The following STRN3 variants were observed in gnomAD, a reference collection of about 807,000 sequenced individuals.
STRN3 encodes the protein striatin-3.
In STRN3, 29 loss-of-function variants were observed where a neutral mutation model predicts 95.6. The observed-to-expected ratio is 0.30, with a 90% CI of 0.23 to 0.41. The LOEUF is 0.41. Ranked by LOEUF, STRN3 falls within the 10% of genes least tolerant of loss-of-function variation. The probability of loss-of-function intolerance (pLI) is 1.00; values close to 1 mark genes in which losing one functional copy is unlikely to be tolerated. For missense variants in STRN3, 890 were observed against 972.1 expected (o/e 0.92, Z 1.12); for synonymous variants, 331 against 357.6 (o/e 0.93, Z 0.84).
At chr14:30,942,969 C>G (rs922675139) in intron 5 of STRN3, among the ~76,000 whole-genome samples, 1 of 152,130 alleles carries the variant, frequency 6.6e-6, no homozygotes, top group African/African-American at 2.4e-5. Flanking sequence ...TGGCTAGTAA[C>G]TAGTGGTTAA....
At chr14:30,931,479 T>C (rs1240313129) in intron 7 of STRN3, among the ~76,000 whole-genome samples, 1 of 152,186 alleles carries the variant, frequency 6.6e-6, no homozygotes, top group African/African-American at 2.4e-5. Context: ...CAATTCTGAT[T>C]ACCAAAGCAG....
Position 30,904,061 on chromosome 14 carries a change from C to A in STRN3, c.2029+1357G>T, listed in dbSNP as rs140368177. 2.0e-3 allele frequency among the ~76,000 whole-genome samples: 312 copies of A among 152,244 alleles called. 5 individuals carry two copies. The East Asian group carries it at 0.032, about 15-fold the overall frequency. On this transcript the variant is annotated intron_variant, in intron 15 of 17. Coordinates refer to ENST00000357479, the MANE Select transcript of STRN3 (RefSeq NM_001083893.2). ...CATTGAAAAAGCCTAACACAATGAA[C>A]AACCCAGGAGCCATGAAGACCATGA...
intron 1 of STRN3, among the ~76,000 whole-genome samples, chr14:30,983,297 C>G (rs1881499801): frequency 6.6e-6 from 1 of 152,170 alleles, no homozygotes; most frequent in South Asian, 2.1e-4. Context: ...TATCCCAGCA[C>G]TTTGGGAGGC....
intron 1 of STRN3, among the ~76,000 whole-genome samples, chr14:30,967,802 G>A (rs1880607959): frequency 6.6e-6 from 1 of 152,188 alleles, no homozygotes; most frequent in African/African-American, 2.4e-5. Context: ...ATTAACCACT[G>A]AAAATTCCCT....
chr14:31,025,867 C>T (rs1448008746), intron 1 of STRN3, 37 bp downstream of exon 1: 10 of 1,579,054 alleles, frequency 6.3e-6, no homozygotes, highest in Non-Finnish European at 6.9e-6. Flanking sequence ...GGGAACCCAG[C>T]CGCCGCAGCT....
At chr14:30,974,286 G>A (rs532298212) in intron 1 of STRN3, among the ~76,000 whole-genome samples, 1 of 152,038 alleles carries the variant, frequency 6.6e-6, no homozygotes, top group East Asian at 1.9e-4. Flanking sequence ...CACTAACAAT[G>A]AACAATCTGA....
intron 8 of STRN3, among the ~76,000 whole-genome samples, chr14:30,925,666 A>C (rs1897009681): frequency 1.3e-5 from 2 of 152,214 alleles, no homozygotes; most frequent in South Asian, 4.1e-4. Flanking sequence ...TCTATATTTC[A>C]AGATAGCTAG....
intron 4 of STRN3, among the ~76,000 whole-genome samples, chr14:30,947,542 TAC>T (rs200186384): frequency 4.6e-5 from 7 of 151,666 alleles, no homozygotes; most frequent in African/African-American, 1.2e-4. Context: ...TAGGATTATA[TAC>T]ACACACACAC....
intron 7 of STRN3, among the ~76,000 whole-genome samples, chr14:30,930,508 T>C (rs1461549731): frequency 6.6e-6 from 1 of 152,124 alleles, no homozygotes; most frequent in Admixed American, 6.5e-5. Flanking sequence ...CCTGCTACAA[T>C]TGTCATAACT....
intron 3 of STRN3, among the ~76,000 whole-genome samples, chr14:30,955,053 G>A (rs1291432710): frequency 6.6e-6 from 1 of 151,806 alleles, no homozygotes; most frequent in East Asian, 1.9e-4. Context: ...CCTGATTTTT[G>A]CTTTTTCCAA....
chr14:30,996,820 C>T (rs903903822), intron 1 of STRN3, among the ~76,000 whole-genome samples: 5 of 143,894 alleles, frequency 3.5e-5, no homozygotes, highest in African/African-American at 1.0e-4. Flanking sequence ...GAGCCGAGAT[C>T]GTGCCACTGC....
In STRN3 at chr14:30,894,319, A is replaced by C. The variant is rs1896070434; in HGVS notation, c.*1092T>G. ...CTTAGGGGGAACCACCTTGGTTTGT[A>C]ATTTAAACTATAAAATACTCCATTT... is the stretch of plus-strand genomic sequence containing the variant. On this transcript the variant is annotated 3_prime_UTR_variant, in exon 18 of 18. Coordinates refer to ENST00000357479, the MANE Select transcript of STRN3 (RefSeq NM_001083893.2). 6.6e-6 allele frequency: 1 copy of C among 152,504 alleles called. No individual in the cohort carries two copies. Among genetic ancestry groups the C allele is most frequent in the Non-Finnish European group, 1.5e-5 (1 of 68,026 alleles). The allele number at this position is 152,504 out of a possible 1,614,324, so 9.4% of individuals were successfully genotyped here. A position where few individuals can be genotyped will look rare whatever the true frequency, so the allele number is the denominator to read the frequency against.
In STRN3 at chr14:31,026,319, G is replaced by T; in HGVS notation, c.-134C>A. 1.0e-6 allele frequency: 1 copy of T among 978,910 alleles called. No individual in the cohort carries two copies. 60.6% of individuals were successfully genotyped at this position (978,910 alleles called of 1,614,324 possible). ...GGCGGGGAAGGGGTCGTTGCTGTGT[G>T]CCTGCCGTGGGTCAGAGCAGGGAGC... On this transcript the variant is annotated 5_prime_UTR_variant, in exon 1 of 18. Transcript: ENST00000357479.
chr14:30,985,632 A>C (rs7142286), intron 1 of STRN3, among the ~76,000 whole-genome samples: 15,822 of 152,182 alleles, frequency 0.1, 1,366 homozygotes, highest in East Asian at 0.21. Flanking sequence ...TTGGTAGTCT[A>C]AACAGTTTCA....
At chr14:30,984,285 A>AACC in intron 1 of STRN3, among the ~76,000 whole-genome samples, 1 of 150,018 alleles carries the variant, frequency 6.7e-6, no homozygotes, top group Non-Finnish European at 1.5e-5. Context: ...AAAAAAAAAA[A>AACC]AAAAAAACAG....
intron 1 of STRN3, among the ~76,000 whole-genome samples, chr14:30,993,428 T>C (rs1882056900): frequency 1.3e-5 from 2 of 152,134 alleles, no homozygotes; most frequent in East Asian, 3.9e-4. Flanking sequence ...ACAAATAGAT[T>C]AGGAATTTTC....
At chr14:30,970,460 C>A (rs1367464753) in intron 1 of STRN3, among the ~76,000 whole-genome samples, 1 of 152,190 alleles carries the variant, frequency 6.6e-6, no homozygotes, top group African/African-American at 2.4e-5. Flanking sequence ...CAGCTCCCCT[C>A]CCCCAGCTGT....
At chr14:30,916,599 C>CA (rs1896746755) in intron 9 of STRN3, among the ~76,000 whole-genome samples, 1 of 151,252 alleles carries the variant, frequency 6.6e-6, no homozygotes, top group Admixed American at 6.6e-5. Context: ...TTAATATCTT[C>CA]TTTTTTTTTC....
chr14:30,931,022 G>C (rs1176415145), intron 7 of STRN3, among the ~76,000 whole-genome samples: 1 of 152,086 alleles, frequency 6.6e-6, no homozygotes, highest in Non-Finnish European at 1.5e-5. Context: ...TAAAAGACCT[G>C]TGTAGAGAGA....
Sources: allele counts gnomAD v4.1 joint callset (sites outside exome capture counted in the v4.1 genomes callset), GRCh38; gene constraint gnomAD v4.1.1; transcripts MANE v1.5; gene names NCBI Gene and HGNC (gene_info 2026-07-23, HGNC 2026-07-21).